DYNC2H1: variants seen among roughly 807,000 people sequenced by gnomAD.
DYNC2H1 encodes the protein dynein cytoplasmic 2 heavy chain 1.
In DYNC2H1, 410 loss-of-function variants were observed where a neutral mutation model predicts 570.0. The observed-to-expected ratio is 0.72, with a 90% CI of 0.66 to 0.78. The LOEUF is 0.78. Among genes scored for constraint, DYNC2H1 ranks in the 30% least tolerant of loss-of-function variants. DYNC2H1 has a pLI of 0.00. For synonymous variants in DYNC2H1, 1,688 were observed against 1,677.6 expected, an observed-to-expected ratio of 1.01 and a Z score of -0.15; for missense variants, 4,865 against 5,046.4, an observed-to-expected ratio of 0.96 and a Z score of 1.09.
chr11:103,344,801 T>G (rs1329185109), intron 82 of DYNC2H1, among the ~76,000 whole-genome samples: 3 of 152,208 alleles, frequency 2.0e-5, no homozygotes, highest in African/African-American at 7.2e-5. Flanking sequence ...ATATGTAACT[T>G]TAATATATTA....
In DYNC2H1 at chr11:103,249,527, C is replaced by G. The variant is rs749748034; in HGVS notation, c.10043-3758C>G. Among the ~76,000 whole-genome samples the G allele has an allele frequency of 1.3e-5, 2 of 151,986 alleles. No individual in the cohort carries two copies. Among genetic ancestry groups the G allele is most frequent in the Non-Finnish European group, 2.9e-5 (2 of 67,950 alleles). On this transcript the variant is annotated intron_variant, in intron 65 of 88. Transcript: ENST00000375735. The surrounding 1 kb of genome is among the most constrained non-coding windows in gnomAD (Gnocchi z 4.6). ...CTACACCTCTTCTCCACAAGGATAA[C>G]CACATTCCTAACTTACAACAGCATA...
rs111298066 is a variant in DYNC2H1 at position 103,442,969 on chromosome 11, C to CCT, written c.12456+6937_12456+6938insCT. Among the ~76,000 whole-genome samples, 25 of 143,102 alleles carry CCT rather than the reference C, an allele frequency of 1.7e-4. No individual in the cohort carries two copies. The South Asian group carries it at 5.2e-3, about 30-fold the overall frequency. The allele number at this position is 143,102 out of a possible 152,430, so 93.9% of individuals were successfully genotyped here. The stretch of plus-strand genomic sequence containing the variant: ...CAATGCTTCCCTTGATTTATGAGCC[C>CCT]TTTTTTTTTTTTTGCCATTTAAAGG... On this transcript the variant is annotated intron_variant, in intron 85 of 88. Coordinates refer to ENST00000375735, the MANE Select transcript of DYNC2H1 (RefSeq NM_001377.3).
At chr11:103,405,706 G>C (rs1942835867) in intron 84 of DYNC2H1, 2 of 151,940 alleles carry the variant, frequency 1.3e-5, no homozygotes, top group African/African-American at 4.8e-5. Flanking sequence ...CAGAGTTCCT[G>C]GTTGGCCTAA....
chr11:103,120,495 G>A lies in DYNC2H1; in HGVS notation c.1048G>A (p.Ala350Thr). The part of the protein sequence containing the change: ...IHEKFLYFLP[A>T]SEEKIICLTR... Reference sequence around the variant, plus strand: ...TGAGAAGTTTCTCTATTTTCTACCTGCCAGTGAAGAGAAAATCATATGCCT... The same window carrying A: ...TGAGAAGTTTCTCTATTTTCTACCTACCAGTGAAGAGAAAATCATATGCCT... The change falls in exon 7 of 89, where the codon GCC (alanine) becomes ACC (threonine). Residue 350 changes from alanine (A) to threonine (T), a missense_variant. Physicochemically the swap from Ala to Thr is moderately conservative, Grantham distance 58 (BLOSUM62 0). Around this residue, in one of 5 missense-constraint regions of DYNC2H1, gnomAD observed 1,936 missense variants for 1,962.1 expected, o/e 0.99. Transcript: ENST00000375735. The A allele has an allele frequency of 1.2e-6, 2 of 1,612,628 alleles. No homozygotes were observed. Among genetic ancestry groups the A allele is most frequent in the Non-Finnish European group, 1.7e-6 (2 of 1,179,080 alleles).
At chr11:103,294,611 G>A (rs1431991166) in intron 75 of DYNC2H1, among the ~76,000 whole-genome samples, 2 of 152,136 alleles carry the variant, frequency 1.3e-5, no homozygotes, top group Non-Finnish European at 2.9e-5. Flanking sequence ...CCAGAGTTTG[G>A]GGAGAGGCAA....
chr11:103,470,208 A>G (rs538289616), intron 88 of DYNC2H1, among the ~76,000 whole-genome samples: 5 of 152,306 alleles, frequency 3.3e-5, no homozygotes, highest in South Asian at 4.1e-4. Flanking sequence ...ATGAAAAGCA[A>G]TGTGACTTTA....
At chr11:103,262,093 G>T (rs1865319319) in intron 70 of DYNC2H1, among the ~76,000 whole-genome samples, 1 of 152,118 alleles carries the variant, frequency 6.6e-6, no homozygotes, top group Non-Finnish European at 1.5e-5. Flanking sequence ...GCAGAAGAAA[G>T]AATATCAGAG....
rs75832879 is a variant in DYNC2H1, at chr11:103,238,031, C to T, written c.9819+1492C>T. Among the ~76,000 whole-genome samples, 397 of 152,064 alleles carry T rather than the reference C, an allele frequency of 2.6e-3. 2 individuals are homozygous for T. The East Asian group carries it at 0.054, about 21-fold the overall frequency. On this transcript the variant is annotated intron_variant, in intron 63 of 88. Transcript: ENST00000375735. ...CATTTCTTAGGGTAATTAGTTATTT[C>T]GTTGAAATGAATTTGCTGTTATGGT...
intron 82 of DYNC2H1, among the ~76,000 whole-genome samples, chr11:103,349,901 T>TA (rs1168019995): frequency 6.6e-6 from 1 of 152,136 alleles, no homozygotes; most frequent in East Asian, 1.9e-4. Context: ...CTGGCATAAA[T>TA]ATATTTTAGA....
At position 103,185,049 on chromosome 11, in the gene DYNC2H1, G is replaced by A. The variant is rs766947158; in HGVS notation, c.6631G>A (p.Glu2211Lys). 1 of 1,609,000 alleles carries A rather than the reference G, an allele frequency of 6.2e-7. No individual in the cohort carries two copies. Among genetic ancestry groups the A allele is most frequent in the South Asian group, 1.1e-5 (1 of 90,670 alleles). ...NMKSRLEFTK[E>K]VFHWARESPP... The stretch of plus-strand genomic sequence containing the variant: ...GAAGTCACGTTTGGAATTTACCAAA[G>A]AGGTAATGCATATTTATAGCCTATA... The change falls in exon 41 of 89, where the codon GAG (glutamate) becomes AAG (lysine). Residue 2211 changes from glutamate to lysine, a missense_variant and splice_region_variant. Physicochemically the swap from Glu to Lys is moderately conservative, Grantham distance 56. Coordinates refer to ENST00000375735, the MANE Select transcript of DYNC2H1 (RefSeq NM_001377.3). This position sits in a 1 kb window ranked among gnomAD's most constrained non-coding sequence, Gnocchi z 4.5.
chr11:103,219,911 A>G lies in DYNC2H1; in HGVS notation c.8833-4A>G. ...ATTGGAATGCCACTTAAATATTCTTATAGGATGCTAGTGAGCAAAAAACAG... is the reference window on the plus strand; with the variant it reads ...ATTGGAATGCCACTTAAATATTCTTGTAGGATGCTAGTGAGCAAAAAACAG... On this transcript the variant is annotated splice_polypyrimidine_tract_variant and splice_region_variant and intron_variant, in intron 55 of 88. Coordinates refer to ENST00000375735, the MANE Select transcript of DYNC2H1 (RefSeq NM_001377.3). 6.7e-7 allele frequency: 1 copy of G among 1,491,986 alleles called. No individual in the cohort carries two copies. The highest frequency in any genetic ancestry group is 9.0e-7 in the Non-Finnish European group (1 of 1,115,770). 92.4% of individuals were successfully genotyped at this position (1,491,986 alleles called of 1,614,324 possible).
chr11:103,285,102 T>C (rs755119773), intron 73 of DYNC2H1, among the ~76,000 whole-genome samples: 30 of 152,186 alleles, frequency 2.0e-4, no homozygotes, highest in Non-Finnish European at 3.8e-4. Context: ...ATTCTTTGTT[T>C]TTGGATTTGA....
chr11:103,473,028 T>C (rs1945434762), intron 88 of DYNC2H1, among the ~76,000 whole-genome samples: 1 of 152,172 alleles, frequency 6.6e-6, no homozygotes, highest in African/African-American at 2.4e-5. Context: ...ATTGTTTCAG[T>C]ATGTGGTGAT....
Position 103,122,853 on chromosome 11 carries a change from C to T in DYNC2H1, c.1514C>T (p.Ala505Val). The change falls in exon 11 of 89, where the codon GCT becomes GTT. Residue 505 changes from alanine (A) to valine (V), a missense_variant. Physicochemically the swap from Ala to Val is moderately conservative, Grantham distance 64 (BLOSUM62 0). This residue lies in a region of DYNC2H1 where 1,936 missense variants were observed against 1,962.1 expected (regional missense o/e 0.99). Coordinates refer to ENST00000375735, the MANE Select transcript of DYNC2H1 (RefSeq NM_001377.3). ...GATGATACTATCAAGATTGCAGAGG[C>T]TCTTTTATCTGACTTGCCAGGATTT... ...KVDDTIKIAE[A>V]LLSDLPGFRC... is the part of the protein sequence containing the mutation. 1 of 1,613,082 alleles carries T rather than the reference C, an allele frequency of 6.2e-7. No individual in the cohort carries two copies. Among genetic ancestry groups the T allele is most frequent in the Non-Finnish European group, 8.5e-7 (1 of 1,179,462 alleles).
Position 103,191,518 on chromosome 11 carries a change from T to A in DYNC2H1, c.7439T>A (p.Val2480Glu). The A allele has an allele frequency of 1.3e-6, 2 of 1,599,352 alleles. No homozygotes were observed. Among genetic ancestry groups the A allele is most frequent in the South Asian group, 1.1e-5 (1 of 88,622 alleles). Residue 2480 changes from valine (V) to glutamate (E), a missense_variant and splice_region_variant, in exon 46 of 89, where the codon GTG becomes GAG. Val to Glu is a moderately radical substitution (Grantham distance 121). This residue lies in a region of DYNC2H1 where 2,401 missense variants were observed against 2,454.6 expected (regional missense o/e 0.98). Transcript: ENST00000375735. ...TGTTTACTGTATTTTCTTTTTCAGG[T>A]GCGAGCCAAATTTACAGTTGATGAT... Reference protein sequence around the residue: ...AGSMVQVYEQVRAKFTVDDYS... With the variant: ...AGSMVQVYEQERAKFTVDDYS...
At position 103,199,576 on chromosome 11, in the gene DYNC2H1, T is replaced by A; in HGVS notation, c.8088+100T>A. On this transcript the variant is annotated intron_variant, in intron 49 of 88. Transcript: ENST00000375735. The surrounding 1 kb of genome is among the most constrained non-coding windows in gnomAD (Gnocchi z 4.6). ...CTAAAGGTTTAAAGAACTAAAGTTT[T>A]AAAGAACATCTTTAAAGAACTAAAG... 1 of 1,185,256 alleles carries A rather than the reference T, an allele frequency of 8.4e-7. No homozygotes were observed. Among genetic ancestry groups the A allele is most frequent in the Non-Finnish European group, 1.1e-6 (1 of 904,742 alleles). 73.4% of individuals were successfully genotyped at this position (1,185,256 alleles called of 1,614,324 possible).
intron 60 of DYNC2H1, among the ~76,000 whole-genome samples, chr11:103,232,698 A>T (rs1864064488): frequency 6.6e-6 from 1 of 152,070 alleles, no homozygotes; most frequent in African/African-American, 2.4e-5. Flanking sequence ...TACAAAATTA[A>T]AGAGATGGTT....
Position 103,230,135 on chromosome 11 carries a change from A to C in DYNC2H1, c.9354-1125A>C, listed in dbSNP as rs1409832252. Among the ~76,000 whole-genome samples the C allele has an allele frequency of 2.0e-5, 3 of 152,156 alleles. No individual in the cohort carries two copies. In the East Asian group the frequency reaches 5.8e-4, roughly 29 times the overall value. On this transcript the variant is annotated intron_variant, in intron 59 of 88. Transcript: ENST00000375735. ...GAGAACCCCTGCTGTACTCTCCTCTAGAGTTCAGTGTTGCTTTTAAAAAGT... is the reference window on the plus strand; with the variant it reads ...GAGAACCCCTGCTGTACTCTCCTCTCGAGTTCAGTGTTGCTTTTAAAAAGT...
chr11:103,407,535 T>C (rs1336574861), intron 84 of DYNC2H1: 1 of 151,976 alleles, frequency 6.6e-6, no homozygotes, highest in Non-Finnish European at 1.5e-5. Flanking sequence ...ATAGAAGATA[T>C]GAATTGTTCG....
Sources: gnomAD v4.1 joint callset for allele counts (sites outside exome capture counted in the v4.1 genomes callset) on GRCh38, gnomAD v4.1.1 for gene constraint, gnomAD v4.1.1 regional missense constraint, Gnocchi (gnomAD v3.1) non-coding constraint, MANE v1.5 for transcripts, NCBI Gene and HGNC (gene_info 2026-07-23, HGNC 2026-07-21) for gene names.